The following BIRC6 variants were observed in gnomAD, a reference collection of about 807,000 sequenced individuals.
BIRC6 encodes the protein baculoviral IAP repeat containing 6.
BIRC6 carries 98 observed loss-of-function variants against 503.3 expected under a neutral mutation model. The ratio of observed to expected loss-of-function variants is 0.19; its 90% CI spans 0.17 to 0.23. BIRC6 has a LOEUF of 0.23. BIRC6 is among the 10% of genes least tolerant of loss of function. The pLI, the probability that BIRC6 is intolerant of heterozygous loss-of-function variation, is 1.00. For missense variants in BIRC6, 5,360 were observed against 5,806.0 expected, an observed-to-expected ratio of 0.92 and a Z score of 2.50; for synonymous variants, 2,240 against 2,078.7, an observed-to-expected ratio of 1.08 and a Z score of -2.11.
In BIRC6 at chr2:32,424,671, C is replaced by A. The variant is rs112820718; in HGVS notation, c.2873-4475C>A. On this transcript the variant is annotated intron_variant, in intron 10 of 73. Coordinates refer to ENST00000421745, the MANE Select transcript of BIRC6 (RefSeq NM_016252.4). ...CTGGGATTAGGCACGCACCACCACG[C>A]CCAGCTATTTTTTGTATTTTTAGTA... Among the ~76,000 whole-genome samples the A allele has an allele frequency of 7.9e-3, 1,194 of 152,030 alleles. 13 individuals are homozygous for A. The highest frequency in any genetic ancestry group is 0.014 in the Middle Eastern group (4 of 294).
At chr2:32,518,483 A>G in intron 56 of BIRC6, 86 bp downstream of exon 56, 2 of 1,362,710 alleles carry the variant, frequency 1.5e-6, no homozygotes, top group Admixed American at 5.1e-5. Flanking sequence ...CCTATGTTCT[A>G]ACTTCGAGTA....
At chr2:32,410,605 C>T (rs1358051235) in intron 9 of BIRC6, among the ~76,000 whole-genome samples, 4 of 152,054 alleles carry the variant, frequency 2.6e-5, no homozygotes, top group Non-Finnish European at 5.9e-5. Flanking sequence ...TAGAAGAGAT[C>T]ATGAATAAAA....
At chr2:32,463,079 T>C (rs2048176854) in intron 23 of BIRC6, 115 bp from the exon 24 acceptor site, 14 of 745,870 alleles carry the variant, frequency 1.9e-5, no homozygotes, top group African/African-American at 3.6e-5. Context: ...AGAATGAAAA[T>C]TAACTATAGT....
In BIRC6 at chr2:32,464,523, A is replaced by C; in HGVS notation, c.4956A>C (p.Glu1652Asp). 6.4e-7 allele frequency: 1 copy of C among 1,573,430 alleles called. No homozygotes were observed. The highest frequency in any genetic ancestry group is 1.4e-5 in the African/African-American group (1 of 74,020). Reference protein sequence around the residue: ...LKLQQQKAKLEAKLHQTTAAA... With the variant: ...LKLQQQKAKLDAKLHQTTAAA... ...TTCTTTTGCAGAAAGCAAAGCTGGAAGCCAAGTTACATCAGACAACAGCTG... is the reference window on the plus strand; with the variant it reads ...TTCTTTTGCAGAAAGCAAAGCTGGACGCCAAGTTACATCAGACAACAGCTG... Residue 1652 changes from glutamate (E) to aspartate (D), a missense_variant, in exon 25 of 74, where the codon GAA (glutamate) becomes GAC (aspartate). Physicochemically the swap from Glu to Asp is conservative, Grantham distance 45. Transcript: ENST00000421745.
chr2:32,553,981 T>G (rs1328194117), intron 65 of BIRC6, among the ~76,000 whole-genome samples: 2 of 152,200 alleles, frequency 1.3e-5, no homozygotes, highest in Non-Finnish European at 2.9e-5. Context: ...AGTTGCGTTT[T>G]GTAGGCCACA....
intron 1 of BIRC6, among the ~76,000 whole-genome samples, chr2:32,368,423 C>G (rs534277698): frequency 6.6e-6 from 1 of 151,962 alleles, no homozygotes; most frequent in Admixed American, 6.6e-5. Context: ...CCCTGTAATC[C>G]CAGCTACTCA....
intron 24 of BIRC6, 105 bp downstream of exon 24, chr2:32,463,486 G>C: frequency 1.7e-6 from 2 of 1,153,966 alleles, no homozygotes; most frequent in Non-Finnish European, 2.3e-6. Flanking sequence ...TAGGTTGACT[G>C]ATCTGAGCTA....
chr2:32,463,425 C>T, intron 24 of BIRC6, 44 bp downstream of exon 24: 2 of 1,499,468 alleles, frequency 1.3e-6, no homozygotes, highest in Non-Finnish European at 1.8e-6. Context: ...CTCTAAACTT[C>T]AAAAGCTGAA....
At chr2:32,378,827 C>T (rs143322504) in intron 2 of BIRC6, 6 of 152,174 alleles carry the variant, frequency 3.9e-5, no homozygotes, top group Admixed American at 6.5e-5. Flanking sequence ...GCCATATATA[C>T]TTTTCTGTAG....
At chr2:32,552,215 A>G (rs1430958894) in intron 65 of BIRC6, among the ~76,000 whole-genome samples, 1 of 152,290 alleles carries the variant, frequency 6.6e-6, no homozygotes, top group Non-Finnish European at 1.5e-5. Flanking sequence ...GGCTACAGGT[A>G]TACGTTAGAT....
intron 6 of BIRC6, among the ~76,000 whole-genome samples, chr2:32,400,480 G>A (rs1391113893): frequency 4.0e-5 from 6 of 150,956 alleles, no homozygotes; most frequent in Non-Finnish European, 5.9e-5. Context: ...CTGGGATTAC[G>A]GGCGCCCACC....
intron 66 of BIRC6, among the ~76,000 whole-genome samples, chr2:32,582,545 C>T (rs1314671625): frequency 6.6e-6 from 1 of 152,128 alleles, no homozygotes; most frequent in Non-Finnish European, 1.5e-5. Context: ...AGGTGGATCA[C>T]CTGAGGTCAA....
At chr2:32,359,169 A>G (rs1474657783) in intron 1 of BIRC6, among the ~76,000 whole-genome samples, 4 of 152,154 alleles carry the variant, frequency 2.6e-5, no homozygotes, top group African/African-American at 9.7e-5. Flanking sequence ...ATATATGTCT[A>G]CACTTTCTAG....
At chr2:32,516,818 A>G (rs1038790851) in intron 55 of BIRC6, among the ~76,000 whole-genome samples, 2 of 152,060 alleles carry the variant, frequency 1.3e-5, no homozygotes, top group Non-Finnish European at 2.9e-5. Context: ...ATCTTATAAC[A>G]TGGGGCTAGC....
chr2:32,543,777 C>T lies in BIRC6; in HGVS notation c.12592+236C>T, dbSNP rs1192086003. On this transcript the variant is annotated intron_variant, in intron 62 of 73. Transcript: ENST00000421745. ...TTGTGCTGACAAAACTGTTGGGCATCACTGGGGGGATGTAAACATGAAGCA... is the reference window on the plus strand; with the variant it reads ...TTGTGCTGACAAAACTGTTGGGCATTACTGGGGGGATGTAAACATGAAGCA... Among the ~76,000 whole-genome samples the T allele has an allele frequency of 3.3e-5, 5 of 152,178 alleles. No homozygotes were observed. In the East Asian group the frequency reaches 9.6e-4, roughly 29 times the overall value.
intron 65 of BIRC6, among the ~76,000 whole-genome samples, chr2:32,561,133 G>A (rs2059148118): frequency 6.6e-6 from 1 of 151,768 alleles, no homozygotes. Context: ...GGGAGACAGA[G>A]GTTGCAGTGA....
chr2:32,508,276 C>CCTTTTT lies in BIRC6; in HGVS notation c.9980+17_9980+18insCTTTTT, dbSNP rs2054006620. The CCTTTTT allele has an allele frequency of 4.3e-6, 3 of 695,576 alleles. No homozygotes were observed. In the African/African-American group the frequency reaches 1.3e-4, roughly 30 times the overall value. The allele number at this position is 695,576 out of a possible 1,614,324, so 43.1% of individuals were successfully genotyped here. ...CAAAACAAGGTATGTTTTGTTTGTC[C>CCTTTTT]TTTTTTTTTTTTTTTTTTTTTTTTT... On this transcript the variant is annotated intron_variant, in intron 51 of 73. Transcript: ENST00000421745.
In BIRC6 at chr2:32,476,352, C is replaced by G. The variant is rs371827388; in HGVS notation, c.6852+8C>G. 2.2e-5 allele frequency: 35 copies of G among 1,561,652 alleles called. No homozygotes were observed. In the African/African-American group the frequency reaches 4.4e-4, roughly 19 times the overall value. On this transcript the variant is annotated splice_region_variant and intron_variant, in intron 34 of 73. Coordinates refer to ENST00000421745, the MANE Select transcript of BIRC6 (RefSeq NM_016252.4). ...AAGCAGGCCACTTCAAAGGTATGATCTATACTTTTCAATATAGTTATCTCA... is the reference window on the plus strand; with the variant it reads ...AAGCAGGCCACTTCAAAGGTATGATGTATACTTTTCAATATAGTTATCTCA...
At chr2:32,377,489 T>A in intron 1 of BIRC6, 99 bp from the exon 2 acceptor site, 1 of 938,284 alleles carries the variant, frequency 1.1e-6, no homozygotes, top group Non-Finnish European at 1.5e-6. Flanking sequence ...AAGATCCAAT[T>A]CAGGATAATA....
Sources: allele counts gnomAD v4.1 joint callset (sites outside exome capture counted in the v4.1 genomes callset), GRCh38; gene constraint gnomAD v4.1.1; transcripts MANE v1.5; gene names NCBI Gene and HGNC (gene_info 2026-07-23, HGNC 2026-07-21).